Variants in ZC3H7B observed in about 807,000 individuals in gnomAD.
ZC3H7B encodes the protein zinc finger CCCH-type containing 7B, also known as zinc finger CCCH domain-containing protein 7B.
In ZC3H7B, 35 loss-of-function variants were observed where a neutral mutation model predicts 116.0. The ratio of observed to expected loss-of-function variants is 0.30; its 90% confidence interval spans 0.23 to 0.40. The LOEUF is 0.40. Ranked by LOEUF, ZC3H7B falls within the 10% of genes least tolerant of loss-of-function variation. The pLI is 1.00. For synonymous variants in ZC3H7B, 502 were observed against 545.6 expected (o/e 0.92, Z 1.11); for missense variants, 1,011 against 1,321.5 (o/e 0.77, Z 3.64).
chr22:41,323,954 C>T (rs959724844), intron 2 of ZC3H7B, among the ~76,000 whole-genome samples: 3 of 152,238 alleles, frequency 2.0e-5, no homozygotes, highest in East Asian at 1.9e-4. Flanking sequence ...CTTGTAGTCC[C>T]AGCTACTCTG....
At chr22:41,314,388 C>T (rs1248340596) in intron 1 of ZC3H7B, among the ~76,000 whole-genome samples, 3 of 151,796 alleles carry the variant, frequency 2.0e-5, no homozygotes, top group Non-Finnish European at 1.5e-5. Context: ...AACTCCTGAC[C>T]TCAAGTGATC....
chr22:41,346,252 G>C lies in ZC3H7B; in HGVS notation c.1665+44G>C. On this transcript the variant is annotated intron_variant, in intron 14 of 22. Coordinates refer to ENST00000352645, the MANE Select transcript of ZC3H7B (RefSeq NM_017590.6). This position sits in a 1 kb window ranked among gnomAD's most constrained non-coding sequence, Gnocchi z 5.3. ...CTGCCACCCCATAGGCCATGGCACA[G>C]ACAGGGCTGGGGATGCTCCCTGGCA... The C allele has an allele frequency of 6.3e-7, 1 of 1,594,750 alleles. No individual in the cohort carries two copies. Among genetic ancestry groups the C allele is most frequent in the Non-Finnish European group, 8.5e-7 (1 of 1,175,156 alleles).
At chr22:41,332,057 G>A (rs1271540969) in intron 6 of ZC3H7B, 114 bp from the exon 7 acceptor site, 1 of 1,082,840 alleles carries the variant, frequency 9.2e-7, no homozygotes, top group African/African-American at 1.6e-5. Flanking sequence ...ACTCTCGGGG[G>A]CGCTGCAGAC....
intron 1 of ZC3H7B, among the ~76,000 whole-genome samples, chr22:41,313,817 A>G (rs1233345923): frequency 6.6e-6 from 1 of 151,862 alleles, no homozygotes; most frequent in East Asian, 1.9e-4. Flanking sequence ...ATCTCGGCTC[A>G]CAGCAACTTC....
intron 2 of ZC3H7B, among the ~76,000 whole-genome samples, chr22:41,324,551 G>T (rs937536704): frequency 6.6e-6 from 1 of 152,256 alleles, no homozygotes; most frequent in African/African-American, 2.4e-5. Flanking sequence ...TTCCCTTCCA[G>T]CCTGGCCATT....
In ZC3H7B at chr22:41,330,070, G is replaced by C; in HGVS notation, c.492G>C (p.Gly164=). The C allele has an allele frequency of 6.2e-7, 1 of 1,613,950 alleles. No individual in the cohort carries two copies. The highest frequency in any genetic ancestry group is 8.5e-7 in the Non-Finnish European group (1 of 1,179,994). Residue 164 remains glycine, a synonymous_variant, in exon 6 of 23, where the codon GGG becomes GGC. Coordinates refer to ENST00000352645, the MANE Select transcript of ZC3H7B (RefSeq NM_017590.6). Reference sequence around the variant, plus strand: ...GTCAGGAGCTGGCCCAGAAACTGGGGCTGCGAGTTCGCAAGGCGTATAAGA... The same window carrying C: ...GTCAGGAGCTGGCCCAGAAACTGGGCCTGCGAGTTCGCAAGGCGTATAAGA... ...QLGQELAQKL[G]LRVRKAYKRP...
rs2036342728 is a variant in ZC3H7B at position 41,328,374 on chromosome 22, T to C, written c.444+1010T>C. ...GGGAACTCTCTCTTTTCCCAATCTT[T>C]GTTGGGCAAATACTGACCGAGCTCC... On this transcript the variant is annotated intron_variant, in intron 5 of 22. Coordinates refer to ENST00000352645, the MANE Select transcript of ZC3H7B (RefSeq NM_017590.6). Among the ~76,000 whole-genome samples the C allele has an allele frequency of 2.0e-5, 3 of 152,184 alleles. No individual in the cohort carries two copies. In the South Asian group the frequency reaches 6.2e-4, roughly 32 times the overall value.
At chr22:41,304,789 T>G (rs1268246841) in intron 1 of ZC3H7B, among the ~76,000 whole-genome samples, 3 of 152,244 alleles carry the variant, frequency 2.0e-5, no homozygotes, top group Non-Finnish European at 4.4e-5. Context: ...GTGGGCATTA[T>G]AATCTCCATT....
chr22:41,342,710 C>A, intron 12 of ZC3H7B, 82 bp downstream of exon 12: 1 of 1,331,906 alleles, frequency 7.5e-7, no homozygotes, highest in Non-Finnish European at 1.0e-6. Flanking sequence ...TCAAAAGAAT[C>A]CCAGTGTCTC....
chr22:41,346,035 G>T lies in ZC3H7B; in HGVS notation c.1492G>T (p.Asp498Tyr). 1 of 1,614,120 alleles carries T rather than the reference G, an allele frequency of 6.2e-7. No homozygotes were observed. The highest frequency in any genetic ancestry group is 8.5e-7 in the Non-Finnish European group (1 of 1,180,026). The part of the protein sequence containing the change: ...MINKQDCKYG[D>Y]NCTFAYHQEE... ...TAACAAGCAGGACTGTAAGTACGGG[G>T]ATAACTGCACCTTCGCCTACCATCA... Residue 498 changes from aspartate to tyrosine, a missense_variant, in exon 14 of 23, where the codon GAT becomes TAT. Physicochemically the swap from Asp to Tyr is radical, Grantham distance 160. Around this residue, in one of 5 missense-constraint regions of ZC3H7B, gnomAD observed 179 missense variants for 178.5 expected, o/e 1.00. Coordinates refer to ENST00000352645, the MANE Select transcript of ZC3H7B (RefSeq NM_017590.6). This position sits in a 1 kb window ranked among gnomAD's most constrained non-coding sequence, Gnocchi z 5.3.
At chr22:41,313,417 T>A (rs1025722577) in intron 1 of ZC3H7B, among the ~76,000 whole-genome samples, 2 of 152,244 alleles carry the variant, frequency 1.3e-5, no homozygotes, top group East Asian at 3.9e-4. Context: ...CGGCCAGATG[T>A]CACATGCCCT....
At position 41,342,617 on chromosome 22, in the gene ZC3H7B, A is replaced by T; in HGVS notation, c.1286A>T (p.Tyr429Phe). Reference protein sequence around the residue: ...HEFKQACQLCYPKTGPRAGDY... With the variant: ...HEFKQACQLCFPKTGPRAGDY... The stretch of plus-strand genomic sequence containing the variant: ...TTCAAGCAGGCCTGCCAGCTCTGCT[A>T]CCCCAAGACAGGTAAACTTTCACCT... The change falls in exon 12 of 23, where the codon TAC becomes TTC. Residue 429 changes from tyrosine to phenylalanine, a missense_variant. Tyr to Phe is a conservative substitution (Grantham distance 22, BLOSUM62 3). Transcript: ENST00000352645. 2 of 1,612,242 alleles carry T rather than the reference A, an allele frequency of 1.2e-6. No individual in the cohort carries two copies. The highest frequency in any genetic ancestry group is 1.7e-6 in the Non-Finnish European group (2 of 1,179,776).
At chr22:41,342,043 C>T (rs1037118056) in intron 11 of ZC3H7B, among the ~76,000 whole-genome samples, 1 of 144,480 alleles carries the variant, frequency 6.9e-6, no homozygotes, top group Non-Finnish European at 1.5e-5. Context: ...GCCTGGGCAA[C>T]AAGAGCAAAA....
chr22:41,352,128 G>T (rs1001263257), intron 17 of ZC3H7B, among the ~76,000 whole-genome samples: 1 of 152,206 alleles, frequency 6.6e-6, no homozygotes, highest in Non-Finnish European at 1.5e-5. Flanking sequence ...GAGCCTTGTC[G>T]TGTCTCTTTT....
intron 7 of ZC3H7B, chr22:41,336,142 A>G (rs5751078): frequency 0.079 from 12,089 of 152,420 alleles, 1,575 homozygotes; most frequent in East Asian, 0.45. Flanking sequence ...TGTTCAGGAC[A>G]GGGAAGGATG....
At chr22:41,305,269 C>T (rs904378446) in intron 1 of ZC3H7B, among the ~76,000 whole-genome samples, 8 of 151,330 alleles carry the variant, frequency 5.3e-5, no homozygotes, top group African/African-American at 1.7e-4. Flanking sequence ...TGCTTGAACC[C>T]AGGAGGCGGA....
chr22:41,327,490 G>C lies in ZC3H7B; in HGVS notation c.444+126G>C. On this transcript the variant is annotated intron_variant, in intron 5 of 22. Transcript: ENST00000352645. The surrounding 1 kb of genome is among the most constrained non-coding windows in gnomAD (Gnocchi z 4.5). ...ACTTCCTCCCCTGTGACATGGCCAT[G>C]CAGATCCTGATGTTAACACTAGCTC... 7.7e-7 allele frequency: 1 copy of C among 1,294,528 alleles called. No homozygotes were observed. The highest frequency in any genetic ancestry group is 1.1e-6 in the Non-Finnish European group (1 of 946,594). The allele number at this position is 1,294,528 out of a possible 1,614,324, so 80.2% of individuals were successfully genotyped here. A position where few individuals can be genotyped will look rare whatever the true frequency, so the allele number is the denominator to read the frequency against.
rs145578383 is a variant in ZC3H7B at position 41,340,041 on chromosome 22, C to G, written c.1042C>G (p.Pro348Ala). 32 of 1,611,504 alleles carry G rather than the reference C, an allele frequency of 2.0e-5. No individual in the cohort carries two copies. Among genetic ancestry groups the G allele is most frequent in the Non-Finnish European group, 2.5e-5 (30 of 1,180,004 alleles). ...ALDPPGPTLD[P>A]LDLLPYSETR... The stretch of plus-strand genomic sequence containing the variant: ...CGATCCCCCGGGCCCCACGCTGGAC[C>G]CCCTGGACCTGCTGCCGTACTCGGA... Residue 348 changes from proline to alanine, a missense_variant, in exon 10 of 23, where the codon CCC becomes GCC. Physicochemically the swap from Pro to Ala is conservative, Grantham distance 27. Coordinates refer to ENST00000352645, the MANE Select transcript of ZC3H7B (RefSeq NM_017590.6).
At chr22:41,348,317 C>A in intron 15 of ZC3H7B, 150 bp downstream of exon 15, 1 of 650,030 alleles carries the variant, frequency 1.5e-6, no homozygotes, top group East Asian at 2.7e-5. Flanking sequence ...CCAGCCTCCA[C>A]CTGGAAAGGA....
Sources: allele counts gnomAD v4.1 joint callset (sites outside exome capture counted in the v4.1 genomes callset), GRCh38; gene constraint gnomAD v4.1.1; regional missense constraint gnomAD v4.1.1; non-coding constraint Gnocchi (gnomAD v3.1); transcripts MANE v1.5; gene names NCBI Gene and HGNC (gene_info 2026-07-23, HGNC 2026-07-21).